The following UBXN7 variants were observed in gnomAD, a reference collection of about 807,000 sequenced individuals.
UBXN7 encodes the protein UBX domain-containing protein 7.
Under a neutral mutation model 58.0 loss-of-function variants are expected in UBXN7, and 9 were observed. The ratio of observed to expected loss-of-function variants is 0.16; its 90% CI spans 0.09 to 0.27. The LOEUF (loss-of-function observed/expected upper bound fraction) is 0.27, where lower values mean the gene tolerates loss of function less well. Among genes scored for constraint, UBXN7 ranks in the 10% least tolerant of loss-of-function variants. The probability of loss-of-function intolerance (pLI) is 1.00; values close to 1 mark genes in which losing one functional copy is unlikely to be tolerated. For missense variants in UBXN7, 328 were observed against 599.6 expected, an observed-to-expected ratio of 0.55 and a Z score of 4.73; for synonymous variants, 208 against 205.0, an observed-to-expected ratio of 1.01 and a Z score of -0.12.
chr3:196,407,138 C>A, intron 2 of UBXN7, 108 bp downstream of exon 2: 1 of 1,451,628 alleles, frequency 6.9e-7, no homozygotes, highest in Non-Finnish European at 9.2e-7. Context: ...CAGAGGCTTT[C>A]AGCCTTTCAT....
chr3:196,404,521 C>CA (rs917804757), intron 2 of UBXN7, among the ~76,000 whole-genome samples: 2 of 152,172 alleles, frequency 1.3e-5, no homozygotes, highest in African/African-American at 4.8e-5. Context: ...CTCGGCCTCC[C>CA]AAAGTGCTGG....
intron 5 of UBXN7, 141 bp downstream of exon 5, chr3:196,391,672 T>C: frequency 1.8e-6 from 1 of 566,714 alleles, no homozygotes; most frequent in Non-Finnish European, 3.0e-6. Context: ...AGTTCAAGGC[T>C]GCAGTGAGCT....
intron 1 of UBXN7, among the ~76,000 whole-genome samples, chr3:196,422,708 T>C (rs1159428947): frequency 6.6e-6 from 1 of 152,016 alleles, no homozygotes; most frequent in Non-Finnish European, 1.5e-5. Flanking sequence ...AGTCACAAAT[T>C]ATTTGTCAGC....
chr3:196,376,940 GGGGAC>G (rs1729047050), intron 5 of UBXN7, among the ~76,000 whole-genome samples: 1 of 151,844 alleles, frequency 6.6e-6, no homozygotes, highest in Non-Finnish European at 1.5e-5. Flanking sequence ...AGGCTACCTG[GGGGAC>G]TAAGTTGGGC....
chr3:196,423,337 CCCT>C (rs1361096392), intron 1 of UBXN7: 2 of 163,014 alleles, frequency 1.2e-5, no homozygotes, highest in Non-Finnish European at 2.7e-5. Flanking sequence ...TGGCAACAAG[CCCT>C]CCAACAAGCC....
intron 5 of UBXN7, among the ~76,000 whole-genome samples, chr3:196,372,904 C>T (rs1728885040): frequency 1.3e-5 from 2 of 151,500 alleles, no homozygotes; most frequent in Admixed American, 6.6e-5. Context: ...TGCCACCATG[C>T]CTGACTAATT....
intron 8 of UBXN7, among the ~76,000 whole-genome samples, chr3:196,365,314 C>A (rs1728634124): frequency 6.9e-6 from 1 of 144,996 alleles, no homozygotes; most frequent in Admixed American, 6.8e-5. Context: ...AAAGAAAACA[C>A]AAATTAATAA....
chr3:196,363,801 C>T lies in UBXN7; in HGVS notation c.835-1114G>A, dbSNP rs536362977. 3.6e-3 allele frequency among the ~76,000 whole-genome samples: 542 copies of T among 151,928 alleles called. 3 individuals are homozygous for T. Among genetic ancestry groups the T allele is most frequent in the Admixed American group, 6.2e-3 (94 of 15,226 alleles). ...AACATCAGCTGGGCATGGTGGTGCG[C>T]GCCTGTAGTCGCAGCTACTCAGGAG... On this transcript the variant is annotated intron_variant, in intron 8 of 10. Coordinates refer to ENST00000296328, the MANE Select transcript of UBXN7 (RefSeq NM_015562.2).
intron 1 of UBXN7, 83 bp from the exon 2 acceptor site, chr3:196,407,476 C>A: frequency 6.7e-7 from 1 of 1,483,964 alleles, no homozygotes; most frequent in East Asian, 2.3e-5. Context: ...TTAGAATTCC[C>A]AAGTAAATTA....
chr3:196,370,463 A>T (rs1432317713), intron 6 of UBXN7, among the ~76,000 whole-genome samples: 1 of 151,694 alleles, frequency 6.6e-6, no homozygotes. Context: ...TTTATTTAAA[A>T]AAAAAAAGAA....
intron 2 of UBXN7, among the ~76,000 whole-genome samples, chr3:196,404,556 C>T (rs1410018513): frequency 2.6e-5 from 4 of 151,822 alleles, no homozygotes; most frequent in Non-Finnish European, 5.9e-5. Context: ...GCCACCGCGC[C>T]CGGCCAATGG....
At chr3:196,374,973 G>GGGAAGGAAGGAAGGAAGGAA (rs1413657178) in intron 5 of UBXN7, among the ~76,000 whole-genome samples, 1 of 28,404 alleles carries the variant, frequency 3.5e-5, no homozygotes, top group African/African-American at 1.6e-4. Flanking sequence ...AAAGGAAGGA[G>GGGAAGGAAGGAAGGAAGGAA]GGAAGGAAGG....
chr3:196,410,682 C>G lies in UBXN7; in HGVS notation c.74-3289G>C, dbSNP rs201887795. On this transcript the variant is annotated intron_variant, in intron 1 of 10. Coordinates refer to ENST00000296328, the MANE Select transcript of UBXN7 (RefSeq NM_015562.2). ...ACTAAAAATACAAAAATTAGCCAAGCATGTGAGCACACACCTGTAATCCCA... is the reference window on the plus strand; with the variant it reads ...ACTAAAAATACAAAAATTAGCCAAGGATGTGAGCACACACCTGTAATCCCA... 9.4e-3 allele frequency among the ~76,000 whole-genome samples: 1,425 copies of G among 152,214 alleles called. 58 individuals are homozygous for G. Among genetic ancestry groups the G allele is most frequent in the Admixed American group, 0.072 (1,099 of 15,274 alleles).
At chr3:196,417,678 G>T (rs1408556976) in intron 1 of UBXN7, among the ~76,000 whole-genome samples, 2 of 136,868 alleles carry the variant, frequency 1.5e-5, no homozygotes, top group African/African-American at 5.5e-5. Flanking sequence ...CGAGGCAGAC[G>T]GACTGCTTGA....
At chr3:196,365,030 C>A (rs1183957412) in intron 8 of UBXN7, among the ~76,000 whole-genome samples, 1 of 152,094 alleles carries the variant, frequency 6.6e-6, no homozygotes, top group Non-Finnish European at 1.5e-5. Context: ...CAGACACTGT[C>A]AGGCTCCTAT....
chr3:196,374,269 T>C (rs1453740777), intron 5 of UBXN7, among the ~76,000 whole-genome samples: 2 of 138,814 alleles, frequency 1.4e-5, no homozygotes, highest in African/African-American at 4.9e-5. Context: ...AATGGAAGAG[T>C]CACTTTTTTT....
chr3:196,410,406 A>T (rs933796848), intron 1 of UBXN7, among the ~76,000 whole-genome samples: 5 of 152,184 alleles, frequency 3.3e-5, no homozygotes, highest in African/African-American at 1.2e-4. Flanking sequence ...CTCTAAGGCA[A>T]ATCCTTAATA....
At chr3:196,388,985 T>A (rs1729495738) in intron 5 of UBXN7, among the ~76,000 whole-genome samples, 1 of 151,864 alleles carries the variant, frequency 6.6e-6, no homozygotes, top group Non-Finnish European at 1.5e-5. Flanking sequence ...AAAGGTGATA[T>A]AACTTAAATT....
In UBXN7 at chr3:196,395,409, C is replaced by T. The variant is rs186196319; in HGVS notation, c.290-1790G>A. Among the ~76,000 whole-genome samples the T allele has an allele frequency of 3.5e-3, 528 of 152,266 alleles. 3 individuals carry two copies. Among genetic ancestry groups the T allele is most frequent in the Admixed American group, 6.2e-3 (94 of 15,280 alleles). ...TTATGTTAAACAATCACACTATCATCTCTGGGAAAAGAGATTTTGTAATAC... is the reference window on the plus strand; with the variant it reads ...TTATGTTAAACAATCACACTATCATTTCTGGGAAAAGAGATTTTGTAATAC... On this transcript the variant is annotated intron_variant, in intron 3 of 10. Transcript: ENST00000296328.
Sources: allele counts gnomAD v4.1 joint callset (sites outside exome capture counted in the v4.1 genomes callset), GRCh38; gene constraint gnomAD v4.1.1; transcripts MANE v1.5; gene names NCBI Gene and HGNC (gene_info 2026-07-23, HGNC 2026-07-21).